Variants in C4orf33 observed in about 807,000 individuals in gnomAD.
C4orf33 encodes UPF0462 protein C4orf33.
C4orf33 carries 20 observed loss-of-function variants against 24.3 expected under a neutral mutation model. The observed-to-expected ratio is 0.82, with a 90% CI of 0.58 to 1.19. The LOEUF (loss-of-function observed/expected upper bound fraction) is 1.19, where lower values mean the gene tolerates loss of function less well. Ranked by LOEUF, C4orf33 falls within the 50% of genes most tolerant of loss-of-function variation. The pLI is 0.00. For synonymous variants in C4orf33, 67 were observed against 76.4 expected, an observed-to-expected ratio of 0.88 and a Z score of 0.64; for missense variants, 207 against 225.9, an observed-to-expected ratio of 0.92 and a Z score of 0.54.
chr4:129,102,296 C>CT (rs1753378682), intron 1 of C4orf33: 1 of 200,998 alleles, frequency 5.0e-6, no homozygotes, highest in Non-Finnish European at 9.9e-6. Context: ...ACTTTTAACA[C>CT]TTTTATCACT....
rs1209908528 is a variant in C4orf33, at chr4:129,116,079, C to G, written c.*4288C>G. 1 of 151,554 alleles carries G rather than the reference C, an allele frequency of 6.6e-6. No homozygotes were observed. The allele number at this position is 151,554 out of a possible 1,614,324, so 9.4% of individuals were successfully genotyped here. A position where few individuals can be genotyped will look rare whatever the true frequency, so the allele number is the denominator to read the frequency against. The stretch of plus-strand genomic sequence containing the variant: ...AGTTACCTCTGAAGCTAAGATGACA[C>G]ATGTATGAGGAATATAGGAAGCCAG... On this transcript the variant is annotated 3_prime_UTR_variant, in exon 6 of 6. Transcript: ENST00000425929.
rs1046754341 is a variant in C4orf33, at chr4:129,116,366, G to A, written c.*4575G>A. ...CTCCTGAGAGAGCTTTGGGTGTTCTGTAAATTTTTTACTTTGCACTCTTGA... is the reference window on the plus strand; with the variant it reads ...CTCCTGAGAGAGCTTTGGGTGTTCTATAAATTTTTTACTTTGCACTCTTGA... On this transcript the variant is annotated 3_prime_UTR_variant, in exon 6 of 6. Coordinates refer to ENST00000425929, the MANE Select transcript of C4orf33 (RefSeq NM_001099783.2). The A allele has an allele frequency of 1.3e-5, 2 of 152,126 alleles. No individual in the cohort carries two copies. Among genetic ancestry groups the A allele is most frequent in the Non-Finnish European group, 2.9e-5 (2 of 68,008 alleles). The allele number at this position is 152,126 out of a possible 1,614,324, so 9.4% of individuals were successfully genotyped here. A position where few individuals can be genotyped will look rare whatever the true frequency, so the allele number is the denominator to read the frequency against.
At position 129,115,957 on chromosome 4, in the gene C4orf33, A is replaced by T. The variant is rs528806621; in HGVS notation, c.*4166A>T. ...CCTACTCATTTTCTGATAATTTCTT[A>T]TCTTAATTTGCTCTGAAAGAGCAAA... On this transcript the variant is annotated 3_prime_UTR_variant, in exon 6 of 6. Coordinates refer to ENST00000425929, the MANE Select transcript of C4orf33 (RefSeq NM_001099783.2). 32 of 150,478 alleles carry T rather than the reference A, an allele frequency of 2.1e-4. No individual in the cohort carries two copies. The South Asian group carries it at 6.5e-3, about 31-fold the overall frequency. 9.3% of individuals were successfully genotyped at this position (150,478 alleles called of 1,614,324 possible). A position where few individuals can be genotyped will look rare whatever the true frequency, so the allele number is the denominator to read the frequency against.
chr4:129,100,476 C>T (rs906387979), intron 1 of C4orf33, among the ~76,000 whole-genome samples: 4 of 152,158 alleles, frequency 2.6e-5, no homozygotes, highest in Non-Finnish European at 5.9e-5. Context: ...ACACTCTGAC[C>T]ATGAGACCCA....
chr4:129,105,366 T>C (rs1192319526), intron 2 of C4orf33, among the ~76,000 whole-genome samples: 1 of 152,226 alleles, frequency 6.6e-6, no homozygotes, highest in Non-Finnish European at 1.5e-5. Context: ...CTGATTTTAA[T>C]GTTAATCTCA....
upstream of C4orf33, among the ~76,000 whole-genome samples, chr4:129,095,344 C>A (rs1349252400): frequency 6.6e-6 from 1 of 152,088 alleles, no homozygotes; most frequent in Non-Finnish European, 1.5e-5. Context: ...CATTATCTGT[C>A]ATGTTTTGTA....
chr4:129,108,745 G>C (rs1337352879), intron 3 of C4orf33, among the ~76,000 whole-genome samples: 1 of 152,014 alleles, frequency 6.6e-6, no homozygotes, highest in Non-Finnish European at 1.5e-5. Flanking sequence ...TTATATAATT[G>C]TTTCTTTAAA....
chr4:129,111,831 C>T lies in C4orf33; in HGVS notation c.*40C>T. The stretch of plus-strand genomic sequence containing the variant: ...CATACCGATCATTTTTTCCTCTATA[C>T]CTTTTAAGATAAACAAAAAATAAAT... On this transcript the variant is annotated 3_prime_UTR_variant, in exon 6 of 6. Transcript: ENST00000425929. 8.7e-7 allele frequency: 1 copy of T among 1,151,752 alleles called. No homozygotes were observed. The allele number at this position is 1,151,752 out of a possible 1,614,324, so 71.3% of individuals were successfully genotyped here. A position where few individuals can be genotyped will look rare whatever the true frequency, so the allele number is the denominator to read the frequency against.
chr4:129,105,245 G>T (rs904048330), intron 2 of C4orf33, among the ~76,000 whole-genome samples: 2 of 152,044 alleles, frequency 1.3e-5, no homozygotes, highest in Non-Finnish European at 2.9e-5. Flanking sequence ...GCTGTCTGCT[G>T]GTAGAATTCC....
intron 2 of C4orf33, among the ~76,000 whole-genome samples, chr4:129,106,115 C>T (rs1034016458): frequency 1.3e-5 from 2 of 152,056 alleles, no homozygotes; most frequent in Non-Finnish European, 2.9e-5. Flanking sequence ...CCATAATTTA[C>T]TTAACAGTTC....
rs751849665 is a variant in C4orf33, at chr4:129,106,596, C to T, written c.191C>T (p.Ala64Val). 8.5e-6 allele frequency: 13 copies of T among 1,529,116 alleles called. No individual in the cohort carries two copies. The Admixed American group carries it at 2.2e-4, about 26-fold the overall frequency. The allele number at this position is 1,529,116 out of a possible 1,614,324, so 94.7% of individuals were successfully genotyped here. Residue 64 changes from alanine to valine, a missense_variant, in exon 3 of 6, where the codon GCA becomes GTA. Coordinates refer to ENST00000425929, the MANE Select transcript of C4orf33 (RefSeq NM_001099783.2). ...NELWDYEVVE[A>V]FFLNDITEQY... The stretch of plus-strand genomic sequence containing the variant: ...TCTCTGTTTTCAAAAGTTGTGGAAG[C>T]ATTTTTCTTGAATGATATAACTGAG...
chr4:129,103,505 G>T (rs1158196419), intron 2 of C4orf33, among the ~76,000 whole-genome samples: 1 of 152,032 alleles, frequency 6.6e-6, no homozygotes, highest in Non-Finnish European at 1.5e-5. Context: ...ACCTCAATAC[G>T]AAATGTAGTT....
rs986730913 is a variant in C4orf33, at chr4:129,109,602, G to T, written c.424G>T (p.Asp142Tyr). 2 of 1,614,062 alleles carry T rather than the reference G, an allele frequency of 1.2e-6. No individual in the cohort carries two copies. The highest frequency in any genetic ancestry group is 3.3e-5 in the Admixed American group (2 of 60,028). The part of the protein sequence containing the change: ...FNSFAIHGSK[D>Y]KRSYEALYPV... ...TTCATTTGCAATTCATGGATCAAAAGATAAACGAAGTTATGAAGCTCTTTA... is the reference window on the plus strand; with the variant it reads ...TTCATTTGCAATTCATGGATCAAAATATAAACGAAGTTATGAAGCTCTTTA... The change falls in exon 5 of 6, where the codon GAT (aspartate) becomes TAT (tyrosine). Residue 142 changes from aspartate (D) to tyrosine (Y), a missense_variant. Asp to Tyr is a radical substitution (Grantham distance 160, BLOSUM62 -3). Transcript: ENST00000425929.
At chr4:129,111,579 A>G (rs925829215) in intron 5 of C4orf33, 107 bp from the exon 6 acceptor site, 1 of 628,230 alleles carries the variant, frequency 1.6e-6, no homozygotes, top group Non-Finnish European at 2.8e-6. Flanking sequence ...ATTGCTTAAA[A>G]TAGAATGTTG....
intron 1 of C4orf33, among the ~76,000 whole-genome samples, chr4:129,098,992 T>C (rs552740314): frequency 1.3e-5 from 2 of 152,334 alleles, no homozygotes; most frequent in South Asian, 4.1e-4. Flanking sequence ...TTGTGGCCAG[T>C]TTCTTTGCTG....
Position 129,111,928 on chromosome 4 carries a change from A to C in C4orf33, c.*137A>C. 1.8e-6 allele frequency: 1 copy of C among 543,298 alleles called. No homozygotes were observed. The highest frequency in any genetic ancestry group is 3.3e-6 in the Non-Finnish European group (1 of 301,066). The allele number at this position is 543,298 out of a possible 1,614,324, so 33.7% of individuals were successfully genotyped here. A position where few individuals can be genotyped will look rare whatever the true frequency, so the allele number is the denominator to read the frequency against. On this transcript the variant is annotated 3_prime_UTR_variant, in exon 6 of 6. Transcript: ENST00000425929. Reference sequence around the variant, plus strand: ...TCATAGAAGTCACTGAAAATATAGTATCTGTGGCAAATTGTATATGATTAA... The same window carrying C: ...TCATAGAAGTCACTGAAAATATAGTCTCTGTGGCAAATTGTATATGATTAA...
At chr4:129,106,368 TCAATATGTGG>T (rs1207331718) in intron 2 of C4orf33, among the ~76,000 whole-genome samples, 2 of 152,058 alleles carry the variant, frequency 1.3e-5, no homozygotes, top group African/African-American at 4.8e-5. Flanking sequence ...ATTAATCTTT[TCAATATGTGG>T]CAATCTGATA....
At chr4:129,097,161 C>T (rs1753232133) in intron 1 of C4orf33, among the ~76,000 whole-genome samples, 1 of 152,210 alleles carries the variant, frequency 6.6e-6, no homozygotes, top group Non-Finnish European at 1.5e-5. Context: ...CCTGCCTTGG[C>T]CTCCCAAAGT....
chr4:129,108,677 A>C (rs1301048138), intron 3 of C4orf33, among the ~76,000 whole-genome samples: 1 of 152,210 alleles, frequency 6.6e-6, no homozygotes, highest in African/African-American at 2.4e-5. Flanking sequence ...ACTCCAAATA[A>C]CATGGTATCT....
Sources: gnomAD v4.1 joint callset for allele counts (sites outside exome capture counted in the v4.1 genomes callset) on GRCh38, gnomAD v4.1.1 for gene constraint, MANE v1.5 for transcripts, NCBI Gene and HGNC (gene_info 2026-07-23, HGNC 2026-07-21) for gene names.